RBMS3: variants seen among roughly 807,000 people sequenced by gnomAD.
RBMS3 encodes RNA binding motif single stranded interacting protein 3.
In RBMS3, 27 loss-of-function variants were observed where a neutral mutation model predicts 66.8. The observed-to-expected ratio is 0.40, with a 90% CI of 0.30 to 0.56. The LOEUF is 0.56. RBMS3 is among the 20% of genes least tolerant of loss of function. The pLI is 0.40. For synonymous variants in RBMS3, 188 were observed against 183.0 expected, an observed-to-expected ratio of 1.03 and a Z score of -0.22; for missense variants, 513 against 549.5, an observed-to-expected ratio of 0.93 and a Z score of 0.66.
intron 4 of RBMS3, among the ~76,000 whole-genome samples, chr3:29,689,836 T>C (rs9832465): frequency 0.046 from 6,636 of 143,364 alleles, 172 homozygotes; most frequent in Admixed American, 0.08. Flanking sequence ...TCCCAACACT[T>C]TGGGAGGCTG....
chr3:29,563,521 T>C (rs1218416303), intron 3 of RBMS3, among the ~76,000 whole-genome samples: 1 of 152,194 alleles, frequency 6.6e-6, no homozygotes, highest in Non-Finnish European at 1.5e-5. Context: ...CTTACATCTT[T>C]GATCTTTATC....
At chr3:29,536,617 A>G (rs1453523108) in intron 3 of RBMS3, among the ~76,000 whole-genome samples, 1 of 152,206 alleles carries the variant, frequency 6.6e-6, no homozygotes, top group African/African-American at 2.4e-5. Flanking sequence ...AGAGCTTACC[A>G]ACCTCATATG....
At chr3:29,749,871 C>T (rs6549954) in intron 5 of RBMS3, among the ~76,000 whole-genome samples, 70,474 of 151,958 alleles carry the variant, frequency 0.46, 17,549 homozygotes, top group African/African-American at 0.64. Flanking sequence ...AAAACAAACA[C>T]ATTCTTATTG....
intron 5 of RBMS3, among the ~76,000 whole-genome samples, chr3:29,748,905 A>T (rs1012969310): frequency 3.9e-5 from 6 of 152,196 alleles, no homozygotes; most frequent in Non-Finnish European, 8.8e-5. Flanking sequence ...CTCAGTAAGA[A>T]ATTTTAAGTG....
intron 4 of RBMS3, chr3:29,614,627 G>C (rs1263824398): frequency 6.6e-6 from 1 of 152,070 alleles, no homozygotes; most frequent in Non-Finnish European, 1.5e-5. Flanking sequence ...TTTAGCACGG[G>C]AACAACTGGT....
chr3:29,870,136 A>G (rs1354528112), intron 7 of RBMS3, among the ~76,000 whole-genome samples: 14 of 152,174 alleles, frequency 9.2e-5, no homozygotes, highest in Admixed American at 9.2e-4. Flanking sequence ...AAAGATAAAG[A>G]GTTTTAATAT....
chr3:29,395,656 CATT>C (rs1324168846), intron 1 of RBMS3, among the ~76,000 whole-genome samples: 10 of 152,132 alleles, frequency 6.6e-5, no homozygotes, highest in Admixed American at 6.5e-4. Context: ...TCAAGTGAAT[CATT>C]GTCTTAATTT....
At chr3:29,884,113 C>A in intron 7 of RBMS3, 49 bp from the exon 8 acceptor site, 2 of 1,526,140 alleles carry the variant, frequency 1.3e-6, no homozygotes, top group Non-Finnish European at 1.8e-6. Flanking sequence ...TTGGGCACCA[C>A]AATAAAAACG....
intron 6 of RBMS3, among the ~76,000 whole-genome samples, chr3:29,820,103 C>T (rs746070903): frequency 2.0e-5 from 3 of 147,498 alleles, no homozygotes; most frequent in Non-Finnish European, 4.5e-5. Flanking sequence ...GCTGAGACAT[C>T]GCTTGAACCT....
intron 4 of RBMS3, among the ~76,000 whole-genome samples, chr3:29,730,371 C>T (rs1235270419): frequency 6.6e-6 from 1 of 151,970 alleles, no homozygotes; most frequent in African/African-American, 2.4e-5. Context: ...ACTCAATGCC[C>T]CTAATATCTT....
intron 1 of RBMS3, among the ~76,000 whole-genome samples, chr3:29,389,268 A>G (rs2039169477): frequency 6.6e-6 from 1 of 151,848 alleles, no homozygotes; most frequent in Admixed American, 6.6e-5. Flanking sequence ...AACACATTCC[A>G]CCCTTGAGAT....
intron 10 of RBMS3, among the ~76,000 whole-genome samples, chr3:29,917,294 C>T (rs1037495700): frequency 6.6e-6 from 1 of 152,036 alleles, no homozygotes; most frequent in Non-Finnish European, 1.5e-5. Flanking sequence ...AGAACCCCAG[C>T]CATTATTTTC....
chr3:29,419,237 TGC>T (rs1268424006), intron 1 of RBMS3, among the ~76,000 whole-genome samples: 1 of 152,192 alleles, frequency 6.6e-6, no homozygotes, highest in Non-Finnish European at 1.5e-5. Context: ...CTGTGCTGTG[TGC>T]TGAGAACTCT....
chr3:29,904,739 T>C (rs2060335380), intron 10 of RBMS3, among the ~76,000 whole-genome samples: 1 of 152,052 alleles, frequency 6.6e-6, no homozygotes, highest in South Asian at 2.1e-4. Flanking sequence ...TTTTAAATAT[T>C]TTGTTAATGT....
intron 3 of RBMS3, among the ~76,000 whole-genome samples, chr3:29,582,283 G>T (rs2047360633): frequency 6.6e-6 from 1 of 152,120 alleles, no homozygotes; most frequent in South Asian, 2.1e-4. Flanking sequence ...AACACACAGG[G>T]TTTAAAACAT....
At chr3:29,788,677 T>A (rs1162475827) in intron 6 of RBMS3, among the ~76,000 whole-genome samples, 1 of 152,236 alleles carries the variant, frequency 6.6e-6, no homozygotes, top group African/African-American at 2.4e-5. Flanking sequence ...CTTTATTTAT[T>A]GTGAACAATA....
At chr3:29,670,820 G>T (rs1024720715) in intron 4 of RBMS3, among the ~76,000 whole-genome samples, 1 of 152,136 alleles carries the variant, frequency 6.6e-6, no homozygotes, top group Non-Finnish European at 1.5e-5. Context: ...CTCCACCTCT[G>T]GGGGCAGGGC....
intron 1 of RBMS3, among the ~76,000 whole-genome samples, chr3:29,376,116 C>T (rs1470901621): frequency 1.4e-5 from 2 of 145,686 alleles, no homozygotes; most frequent in Non-Finnish European, 3.0e-5. Flanking sequence ...CATGTGTTCT[C>T]ACTTATAAGT....
At chr3:29,476,695 GA>G (rs1465196576) in intron 2 of RBMS3, among the ~76,000 whole-genome samples, 4 of 151,992 alleles carry the variant, frequency 2.6e-5, no homozygotes, top group African/African-American at 9.7e-5. Flanking sequence ...GAGTTATTTT[GA>G]ATTAAAGCTG....
Sources: gnomAD v4.1 joint callset for allele counts (sites outside exome capture counted in the v4.1 genomes callset) on GRCh38, gnomAD v4.1.1 for gene constraint, MANE v1.5 for transcripts, NCBI Gene and HGNC (gene_info 2026-07-23, HGNC 2026-07-21) for gene names.